The following ANO4 variants were observed in gnomAD, a reference collection of about 807,000 sequenced individuals.
The protein encoded by ANO4 is anoctamin 4.
A neutral mutation model predicts 141.9 loss-of-function variants in ANO4; 69 were observed. The observed-to-expected ratio is 0.49, with a 90% CI of 0.40 to 0.59. ANO4 has a LOEUF of 0.59. Among genes scored for constraint, ANO4 ranks in the 20% least tolerant of loss-of-function variants. The pLI, the probability that ANO4 is intolerant of heterozygous loss-of-function variation, is 0.00. For synonymous variants in ANO4, 350 were observed against 394.3 expected (o/e 0.89, Z 1.33); for missense variants, 894 against 1,162.2 (o/e 0.77, Z 3.36).
intron 3 of ANO4, among the ~76,000 whole-genome samples, chr12:100,748,864 A>G (rs924890723): frequency 6.6e-6 from 1 of 152,132 alleles, no homozygotes; most frequent in Non-Finnish European, 1.5e-5. Flanking sequence ...CTTTTGTCAA[A>G]ATAGCCCTGA....
chr12:100,801,819 T>A (rs547558659), intron 1 of ANO4, among the ~76,000 whole-genome samples: 1 of 152,254 alleles, frequency 6.6e-6, no homozygotes, highest in African/African-American at 2.4e-5. Flanking sequence ...ATGGGAATGG[T>A]ATCAGGAACT....
chr12:101,052,087 G>A (rs1210728013), intron 14 of ANO4, among the ~76,000 whole-genome samples: 3 of 152,094 alleles, frequency 2.0e-5, no homozygotes, highest in Non-Finnish European at 4.4e-5. Context: ...GGCTTGACGT[G>A]TTCATTTTGT....
intron 15 of ANO4, among the ~76,000 whole-genome samples, chr12:101,081,568 AT>A (rs1379369638): frequency 6.6e-6 from 1 of 152,158 alleles, no homozygotes; most frequent in Non-Finnish European, 1.5e-5. Flanking sequence ...CTAGCCCATG[AT>A]TTCTACCTTA....
intron 12 of ANO4, 141 bp downstream of exon 12, chr12:101,042,609 C>A: frequency 1.7e-6 from 2 of 1,167,084 alleles, no homozygotes; most frequent in Non-Finnish European, 2.4e-6. Flanking sequence ...CTCAAAGTTT[C>A]AGTTCACTAG....
intron 1 of ANO4, among the ~76,000 whole-genome samples, chr12:100,879,344 G>A (rs1388825466): frequency 6.6e-6 from 1 of 152,174 alleles, no homozygotes; most frequent in African/African-American, 2.4e-5. Flanking sequence ...GTGGAGGTTA[G>A]ATTCAACTTC....
At chr12:100,965,882 T>C (rs1301584310) in intron 5 of ANO4, among the ~76,000 whole-genome samples, 1 of 152,178 alleles carries the variant, frequency 6.6e-6, no homozygotes, top group South Asian at 2.1e-4. Context: ...TGCTTATTTG[T>C]TGTCTGATGT....
At chr12:101,045,215 C>A (rs968593508) in intron 13 of ANO4, among the ~76,000 whole-genome samples, 1 of 152,140 alleles carries the variant, frequency 6.6e-6, no homozygotes. Flanking sequence ...TTGATTATTT[C>A]TAATTCTCAC....
intron 7 of ANO4, among the ~76,000 whole-genome samples, chr12:100,981,461 A>G (rs962313560): frequency 6.6e-6 from 1 of 151,852 alleles, no homozygotes; most frequent in Non-Finnish European, 1.5e-5. Context: ...GAAGGAAGGA[A>G]GAAAGGAAGG....
chr12:101,068,917 C>A, intron 14 of ANO4: 1 of 816,532 alleles, frequency 1.2e-6, no homozygotes, highest in Non-Finnish European at 2.2e-6. Flanking sequence ...ATACTACATG[C>A]TCAACATCGA....
intron 13 of ANO4, chr12:101,047,941 G>T (rs2047697051): frequency 2.2e-6 from 2 of 901,664 alleles, no homozygotes; most frequent in Non-Finnish European, 2.7e-6. Flanking sequence ...AATAAATGAG[G>T]CATTAAAAAC....
At chr12:100,797,621 G>A (rs1010043365) in intron 1 of ANO4, among the ~76,000 whole-genome samples, 1 of 151,936 alleles carries the variant, frequency 6.6e-6, no homozygotes, top group Non-Finnish European at 1.5e-5. Flanking sequence ...CACCTAGATT[G>A]GTGTAGATGC....
intron 2 of ANO4, among the ~76,000 whole-genome samples, chr12:100,737,498 C>T (rs2031667330): frequency 6.6e-6 from 1 of 152,196 alleles, no homozygotes; most frequent in African/African-American, 2.4e-5. Context: ...TTGGCCCTAT[C>T]AGGCCCACCT....
intron 7 of ANO4, among the ~76,000 whole-genome samples, chr12:100,976,593 C>G (rs982274201): frequency 6.6e-6 from 1 of 152,196 alleles, no homozygotes; most frequent in African/African-American, 2.4e-5. Flanking sequence ...GTGTCTTGTT[C>G]AGTAGATCTG....
intron 1 of ANO4, among the ~76,000 whole-genome samples, chr12:100,820,145 T>TA (rs11375943): frequency 0.83 from 125,443 of 151,666 alleles, 52,100 homozygotes; most frequent in African/African-American, 0.9. Flanking sequence ...GTTGTGTGGC[T>TA]CTTTTCATCT....
At chr12:101,011,556 GAA>G (rs1266141728) in intron 8 of ANO4, among the ~76,000 whole-genome samples, 6 of 151,946 alleles carry the variant, frequency 3.9e-5, no homozygotes, top group Non-Finnish European at 8.8e-5. Context: ...ACCTGTGAAT[GAA>G]AAAGACAAGT....
intron 1 of ANO4, among the ~76,000 whole-genome samples, chr12:100,729,620 A>T (rs958622479): frequency 6.6e-6 from 1 of 152,052 alleles, no homozygotes; most frequent in African/African-American, 2.4e-5. Context: ...CATTAATCTC[A>T]TTCATAGTCT....
At chr12:101,037,737 C>G (rs1448096842) in intron 10 of ANO4, among the ~76,000 whole-genome samples, 2 of 152,202 alleles carry the variant, frequency 1.3e-5, no homozygotes, top group African/African-American at 2.4e-5. Context: ...CAGAATTCCC[C>G]TACACCTGGG....
At chr12:100,905,886 A>T (rs140894243) in intron 2 of ANO4, among the ~76,000 whole-genome samples, 1 of 152,180 alleles carries the variant, frequency 6.6e-6, no homozygotes, top group Non-Finnish European at 1.5e-5. Context: ...GCGTATGTAT[A>T]TAATGGCAGG....
At chr12:100,840,000 T>C (rs369217730) in intron 1 of ANO4, among the ~76,000 whole-genome samples, 1 of 152,116 alleles carries the variant, frequency 6.6e-6, no homozygotes. Flanking sequence ...TCTGGTTATT[T>C]TGAATTTTTG....
Sources: allele counts gnomAD v4.1 joint callset (sites outside exome capture counted in the v4.1 genomes callset), GRCh38; gene constraint gnomAD v4.1.1; transcripts MANE v1.5; gene names NCBI Gene and HGNC (gene_info 2026-07-23, HGNC 2026-07-21).